PPARGC1A: variants seen among roughly 807,000 people sequenced by gnomAD.
PPARGC1A encodes the protein PPARG coactivator 1 alpha.
In PPARGC1A, 25 loss-of-function variants were observed where a neutral mutation model predicts 88.7. The observed-to-expected ratio is 0.28, with a 90% CI of 0.21 to 0.39. The LOEUF (loss-of-function observed/expected upper bound fraction) is 0.39, where lower values mean the gene tolerates loss of function less well. Ranked by LOEUF, PPARGC1A falls within the 10% of genes least tolerant of loss-of-function variation. The pLI is 1.00. For synonymous variants in PPARGC1A, 363 were observed against 355.6 expected (o/e 1.02, Z -0.24); for missense variants, 880 against 968.7 (o/e 0.91, Z 1.22).
At chr4:24,471,187 C>T in the PPARGC1A span, among the ~76,000 whole-genome samples, 1 of 151,916 alleles carries the variant, frequency 6.6e-6, no homozygotes, top group Non-Finnish European at 1.5e-5. The surrounding 1 kb of genome is among the most constrained non-coding windows in gnomAD (Gnocchi z 5.4). Context: ...CCCCGCGGTG[C>T]GCGCTCCGCG....
chr4:23,955,547 C>T, the PPARGC1A span, among the ~76,000 whole-genome samples: 675 of 152,172 alleles, frequency 4.4e-3, 3 homozygotes, highest in African/African-American at 0.015. Context: ...GGGCAGGAAT[C>T]AAGGTAGCTT....
chr4:23,896,420 G>A lies in PPARGC1A; in HGVS notation n.52+2847C>T, dbSNP rs2970862. Among the ~76,000 whole-genome samples, 140 of 152,096 alleles carry A rather than the reference G, an allele frequency of 9.2e-4. 1 individual carries two copies. Among genetic ancestry groups the A allele is most frequent in the African/African-American group, 3.3e-3 (136 of 41,502 alleles). On this transcript the variant is annotated intron_variant and non_coding_transcript_variant, in intron 1 of 3. Transcript: ENST00000507342. ...ACGCCCAATATTATATCTCAAATAT[G>A]CATCATATATTTAAAATGAAGCCAT...
the PPARGC1A span, among the ~76,000 whole-genome samples, chr4:24,302,435 C>T: frequency 1.3e-5 from 2 of 152,190 alleles, no homozygotes; most frequent in Admixed American, 1.3e-4. Flanking sequence ...CCACTCTCTT[C>T]CTCGCCCCTG....
At chr4:24,122,385 ATGTG>A in the PPARGC1A span, among the ~76,000 whole-genome samples, 1,188 of 105,988 alleles carry the variant, frequency 0.011, 24 homozygotes, top group African/African-American at 0.034. Context: ...GTGTATGCGT[ATGTG>A]TGTGTGTGTG....
the PPARGC1A span, among the ~76,000 whole-genome samples, chr4:24,390,650 C>T: frequency 5.3e-5 from 8 of 151,926 alleles, no homozygotes; most frequent in East Asian, 7.7e-4. Context: ...ATACTGTGTA[C>T]GCTGCTTTGT....
At chr4:23,949,310 G>A in the PPARGC1A span, among the ~76,000 whole-genome samples, 5 of 152,046 alleles carry the variant, frequency 3.3e-5, no homozygotes, top group African/African-American at 7.2e-5. Flanking sequence ...AAAACATAAC[G>A]ACACTTGCAA....
chr4:24,072,240 A>G, the PPARGC1A span, among the ~76,000 whole-genome samples: 1 of 150,694 alleles, frequency 6.6e-6, no homozygotes, highest in Non-Finnish European at 1.5e-5. Context: ...ATATACATAT[A>G]TAAGCACACA....
intron 7 of PPARGC1A, among the ~76,000 whole-genome samples, chr4:23,823,734 A>T (rs1723420548): frequency 6.6e-6 from 1 of 152,132 alleles, no homozygotes; most frequent in African/African-American, 2.4e-5. Context: ...CATACACTAT[A>T]TATCTACACC....
chr4:24,104,391 TC>T, the PPARGC1A span, among the ~76,000 whole-genome samples: 1 of 152,016 alleles, frequency 6.6e-6, no homozygotes, highest in African/African-American at 2.4e-5. Flanking sequence ...CAACAACCTT[TC>T]CCCCACTTGG....
chr4:24,387,650 T>G, the PPARGC1A span, among the ~76,000 whole-genome samples: 36 of 151,390 alleles, frequency 2.4e-4, no homozygotes, highest in African/African-American at 8.0e-4. Context: ...GGCAGGAGAA[T>G]TGCTTGAACC....
chr4:24,232,265 T>TACAAGGGA, the PPARGC1A span, among the ~76,000 whole-genome samples: 1 of 152,210 alleles, frequency 6.6e-6, no homozygotes, highest in East Asian at 1.9e-4. Flanking sequence ...TGATTCTTTG[T>TACAAGGGA]ACAAGGGAAG....
chr4:24,302,990 G>A, the PPARGC1A span, among the ~76,000 whole-genome samples: 76 of 152,236 alleles, frequency 5.0e-4, no homozygotes, highest in Non-Finnish European at 9.7e-4. Context: ...ACCAGAGAAG[G>A]AAAAGGGTGA....
the PPARGC1A span, among the ~76,000 whole-genome samples, chr4:24,360,683 G>C: frequency 2.0e-5 from 3 of 152,268 alleles, no homozygotes; most frequent in African/African-American, 7.2e-5. Flanking sequence ...CAGTTGAGGT[G>C]TTGCAGAGCA....
At chr4:24,470,277 GACACACACACACACACACACACACAC>G in the PPARGC1A span, among the ~76,000 whole-genome samples, 1 of 110,676 alleles carries the variant, frequency 9.0e-6, no homozygotes, top group Admixed American at 9.2e-5. This position sits in a 1 kb window ranked among gnomAD's most constrained non-coding sequence, Gnocchi z 5.8. Flanking sequence ...GACAGACACA[GACACACACACACACACACACACACAC>G]ACACACACAC....
chr4:24,442,024 T>A, the PPARGC1A span, among the ~76,000 whole-genome samples: 1 of 152,216 alleles, frequency 6.6e-6, no homozygotes, highest in Non-Finnish European at 1.5e-5. Flanking sequence ...ATATTCATTT[T>A]CTCCTTGGTC....
the PPARGC1A span, among the ~76,000 whole-genome samples, chr4:24,348,788 C>T: frequency 6.6e-6 from 1 of 152,112 alleles, no homozygotes; most frequent in South Asian, 2.1e-4. Flanking sequence ...AAATAACTAA[C>T]CTCCTAAATT....
the PPARGC1A span, among the ~76,000 whole-genome samples, chr4:24,007,212 A>G: frequency 2.6e-5 from 4 of 152,192 alleles, no homozygotes; most frequent in Non-Finnish European, 5.9e-5. Flanking sequence ...TGAACTGCCC[A>G]TCTCGCTCTC....
At chr4:24,454,579 A>T in the PPARGC1A span, among the ~76,000 whole-genome samples, 1 of 151,934 alleles carries the variant, frequency 6.6e-6, no homozygotes, top group South Asian at 2.1e-4. Context: ...CTACAAAAAA[A>T]ATTTTTTAAA....
the PPARGC1A span, among the ~76,000 whole-genome samples, chr4:23,955,109 C>G: frequency 6.6e-6 from 1 of 152,014 alleles, no homozygotes; most frequent in Non-Finnish European, 1.5e-5. Flanking sequence ...TATCTACATT[C>G]AATTTAAGTT....
Sources: allele counts gnomAD v4.1 joint callset (sites outside exome capture counted in the v4.1 genomes callset), GRCh38; gene constraint gnomAD v4.1.1; non-coding constraint Gnocchi (gnomAD v3.1); transcripts MANE v1.5; gene names NCBI Gene and HGNC (gene_info 2026-07-23, HGNC 2026-07-21).